The following ZBTB20 variants were observed in gnomAD, a reference collection of about 807,000 sequenced individuals.
ZBTB20 encodes zinc finger and BTB domain-containing protein 20.
In ZBTB20, 9 loss-of-function variants were observed where a neutral mutation model predicts 56.9. The observed-to-expected ratio is 0.16, with a 90% CI of 0.10 to 0.28. The LOEUF (loss-of-function observed/expected upper bound fraction) is 0.28. Among genes scored for constraint, ZBTB20 ranks in the 10% least tolerant of loss-of-function variants. ZBTB20 has a pLI of 1.00. For missense variants in ZBTB20, 655 were observed against 1,003.0 expected (o/e 0.65, Z 4.69); for synonymous variants, 417 against 420.7 (o/e 0.99, Z 0.11).
At chr3:114,879,599 G>C (rs762292955) in intron 4 of ZBTB20, among the ~76,000 whole-genome samples, 5 of 152,118 alleles carry the variant, frequency 3.3e-5, no homozygotes, top group African/African-American at 7.2e-5. Context: ...GAGTGCTATA[G>C]TGTCTGTTCT....
chr3:114,966,789 G>T (rs1391699054), intron 3 of ZBTB20, among the ~76,000 whole-genome samples: 4 of 151,854 alleles, frequency 2.6e-5, no homozygotes, highest in African/African-American at 9.7e-5. Flanking sequence ...AGTTAACTAA[G>T]GTAGTAACAT....
intron 6 of ZBTB20, among the ~76,000 whole-genome samples, chr3:114,602,874 T>C (rs2056868676): frequency 6.6e-6 from 1 of 152,044 alleles, no homozygotes; most frequent in Admixed American, 6.6e-5. Flanking sequence ...ATGTATTTTT[T>C]CTTCCTGTTA....
intron 7 of ZBTB20, among the ~76,000 whole-genome samples, chr3:114,481,278 A>AAC (rs72180634): frequency 9.3e-5 from 14 of 151,174 alleles, no homozygotes; most frequent in East Asian, 7.7e-4. Context: ...AAAAAAAAAA[A>AAC]ACCTCATTTC....
intron 10 of ZBTB20, among the ~76,000 whole-genome samples, chr3:114,358,740 AC>A (rs1171403963): frequency 2.0e-5 from 3 of 152,206 alleles, no homozygotes; most frequent in Non-Finnish European, 4.4e-5. Flanking sequence ...TACTGAGAAT[AC>A]CCCAGTATAA....
chr3:114,344,403 T>G (rs1157852304), intron 11 of ZBTB20, among the ~76,000 whole-genome samples: 1 of 152,188 alleles, frequency 6.6e-6, no homozygotes, highest in Non-Finnish European at 1.5e-5. Context: ...AGTATAATAC[T>G]AGCCCAACCA....
intron 5 of ZBTB20, among the ~76,000 whole-genome samples, chr3:114,728,511 G>C (rs947789364): frequency 1.3e-5 from 2 of 152,198 alleles, no homozygotes; most frequent in Non-Finnish European, 2.9e-5. Context: ...AAAAATGGAA[G>C]AGCTAGAACT....
intron 6 of ZBTB20, among the ~76,000 whole-genome samples, chr3:114,502,357 T>C (rs1194161430): frequency 2.0e-5 from 3 of 152,186 alleles, no homozygotes; most frequent in South Asian, 2.1e-4. Context: ...AACTGCACTA[T>C]TGTAGAGATT....
At chr3:114,954,752 G>A (rs972517295) in intron 3 of ZBTB20, among the ~76,000 whole-genome samples, 1 of 152,160 alleles carries the variant, frequency 6.6e-6, no homozygotes, top group African/African-American at 2.4e-5. Flanking sequence ...GGCACCTAAA[G>A]TGCACTCAAC....
intron 2 of ZBTB20, among the ~76,000 whole-genome samples, chr3:114,990,480 T>G (rs1286818124): frequency 6.6e-6 from 1 of 152,200 alleles, no homozygotes; most frequent in Non-Finnish European, 1.5e-5. Flanking sequence ...ATAAGCTTTT[T>G]GATGTGCTGC....
chr3:114,541,932 T>C (rs2110110319), intron 6 of ZBTB20, among the ~76,000 whole-genome samples: 1 of 152,298 alleles, frequency 6.6e-6, no homozygotes, highest in South Asian at 2.1e-4. Context: ...ACACATGCTC[T>C]TTAAAACTCT....
intron 2 of ZBTB20, among the ~76,000 whole-genome samples, chr3:115,070,810 A>T (rs911736370): frequency 2.0e-5 from 3 of 151,778 alleles, no homozygotes; most frequent in Non-Finnish European, 2.9e-5. Context: ...CATAAAAAAT[A>T]AAAAAAACTT....
intron 5 of ZBTB20, among the ~76,000 whole-genome samples, chr3:114,707,033 T>A (rs994095353): frequency 6.6e-6 from 1 of 152,056 alleles, no homozygotes; most frequent in Non-Finnish European, 1.5e-5. Context: ...TCACACACAC[T>A]GAAAAGCGAA....
chr3:115,028,503 T>C (rs1239251477), intron 2 of ZBTB20, among the ~76,000 whole-genome samples: 1 of 150,802 alleles, frequency 6.6e-6, no homozygotes, highest in Non-Finnish European at 1.5e-5. Context: ...TGTTTCTTTT[T>C]ACTTTTTAAA....
chr3:114,800,335 G>A (rs1490145553), intron 5 of ZBTB20, among the ~76,000 whole-genome samples: 2 of 151,540 alleles, frequency 1.3e-5, no homozygotes, highest in African/African-American at 4.8e-5. Context: ...TATATGCTTG[G>A]GTTCTATTCA....
intron 4 of ZBTB20, among the ~76,000 whole-genome samples, chr3:114,882,250 A>G (rs936362385): frequency 6.6e-6 from 1 of 152,032 alleles, no homozygotes; most frequent in African/African-American, 2.4e-5. Flanking sequence ...AATCAAAACA[A>G]TGGTGAAATA....
chr3:114,677,073 C>G (rs1377394776), intron 6 of ZBTB20, among the ~76,000 whole-genome samples: 2 of 152,050 alleles, frequency 1.3e-5, no homozygotes, highest in African/African-American at 4.8e-5. Context: ...GCCCAGCCAA[C>G]TAGGGGATTT....
Position 115,107,535 on chromosome 3 carries a change from G to A in ZBTB20, c.-702-36121C>T, listed in dbSNP as rs181340974. 3.3e-5 allele frequency among the ~76,000 whole-genome samples: 5 copies of A among 152,244 alleles called. No individual in the cohort carries two copies. The East Asian group carries it at 9.6e-4, about 29-fold the overall frequency. ...GGCGAGGCTGCAAAGAAATATGAAC[G>A]CTTTTACACCATTGGTGGGAATGTT... On this transcript the variant is annotated intron_variant, in intron 1 of 11. Coordinates refer to ENST00000675478, the MANE Select transcript of ZBTB20 (RefSeq NM_001348800.3).
intron 5 of ZBTB20, among the ~76,000 whole-genome samples, chr3:114,757,909 C>T (rs1045560588): frequency 5.9e-5 from 9 of 151,780 alleles, no homozygotes; most frequent in African/African-American, 9.7e-5. Context: ...ATTATTATTC[C>T]TATTACTAGT....
chr3:114,487,140 G>A (rs1256223763), intron 7 of ZBTB20, among the ~76,000 whole-genome samples: 2 of 152,152 alleles, frequency 1.3e-5, no homozygotes, highest in Non-Finnish European at 2.9e-5. Flanking sequence ...CCCAGCTTCT[G>A]AGTATAAACT....
Sources: allele counts gnomAD v4.1 joint callset (sites outside exome capture counted in the v4.1 genomes callset), GRCh38; gene constraint gnomAD v4.1.1; transcripts MANE v1.5; gene names NCBI Gene and HGNC (gene_info 2026-07-23, HGNC 2026-07-21).